Variants in MDC1 observed in about 807,000 individuals in gnomAD.
MDC1 encodes the protein mediator of DNA damage checkpoint 1, also known as mediator of DNA damage checkpoint protein 1.
In MDC1, 81 loss-of-function variants were observed where a neutral mutation model predicts 142.5. The ratio of observed to expected loss-of-function variants is 0.57; its 90% CI spans 0.47 to 0.68. The LOEUF (loss-of-function observed/expected upper bound fraction) is 0.68, where lower values mean the gene tolerates loss of function less well. Among genes scored for constraint, MDC1 ranks in the 30% least tolerant of loss-of-function variants. The pLI, the probability that MDC1 is intolerant of heterozygous loss-of-function variation, is 0.00. For missense variants in MDC1, 2,119 were observed against 2,547.9 expected, an observed-to-expected ratio of 0.83 and a Z score of 3.62; for synonymous variants, 797 against 968.4, an observed-to-expected ratio of 0.82 and a Z score of 3.29.
At position 30,707,729 on chromosome 6, in the gene MDC1, C is replaced by A; in HGVS notation, c.2850G>T (p.Glu950Asp). 1 of 1,613,132 alleles carries A rather than the reference C, an allele frequency of 6.2e-7. No homozygotes were observed. The highest frequency in any genetic ancestry group is 8.5e-7 in the Non-Finnish European group (1 of 1,180,046). Reference sequence around the variant, plus strand: ...TCTGGTCCTGGCTCCCTCCCTCTGGCTCCCCTCTCTGTGTATCTCTCTCCA... The same window carrying A: ...TCTGGTCCTGGCTCCCTCCCTCTGGATCCCCTCTCTGTGTATCTCTCTCCA... ...VILERDTQRG[E>D]PEGGSQDQKG... The change falls in exon 8 of 15, where the codon GAG becomes GAT. Residue 950 changes from glutamate (E) to aspartate (D), a missense_variant. Physicochemically the swap from Glu to Asp is conservative, Grantham distance 45. Transcript: ENST00000376406.
chr6:30,703,217 C>A lies in MDC1; in HGVS notation c.5752G>T (p.Gly1918Cys), dbSNP rs1562078206. The A allele has an allele frequency of 1.9e-6, 3 of 1,612,994 alleles. No individual in the cohort carries two copies. Among genetic ancestry groups the A allele is most frequent in the African/African-American group, 2.7e-5 (2 of 74,932 alleles). ...AGGTGGGAAGCCTCTGCCGCTGAAC[C>A]AGCCAGACTTCCCCCCAGTGCCAGC... ...AVLALGGSLA[G>C]SAAEASHLVT... Residue 1918 changes from glycine (G) to cysteine (C), a missense_variant, in exon 12 of 15, where the codon GGT (glycine) becomes TGT (cysteine). Transcript: ENST00000376406. This position sits in a 1 kb window ranked among gnomAD's most constrained non-coding sequence, Gnocchi z 4.4.
intron 7 of MDC1, among the ~76,000 whole-genome samples, chr6:30,708,855 CAAAAAAAAAA>C (rs59939040): frequency 1.8e-5 from 1 of 55,238 alleles, no homozygotes; most frequent in Admixed American, 1.9e-4. Context: ...GACTCTGTCT[CAAAAAAAAAA>C]AAAAAAAAAA....
rs1305372748 is a variant in MDC1, at chr6:30,716,920, T to C, written c.-4+325A>G. On this transcript the variant is annotated intron_variant, in intron 1 of 14. Transcript: ENST00000376406. This position sits in a 1 kb window ranked among gnomAD's most constrained non-coding sequence, Gnocchi z 4.4. The stretch of plus-strand genomic sequence containing the variant: ...ACTCTAGAGGGAAACTGTTGACAGG[T>C]AGGGAAAGTAGGATGCCCCATGGAT... 2.0e-6 allele frequency: 2 copies of C among 984,778 alleles called. No individual in the cohort carries two copies. The highest frequency in any genetic ancestry group is 1.7e-5 in the African/African-American group (1 of 57,164). The allele number at this position is 984,778 out of a possible 1,614,324, so 61.0% of individuals were successfully genotyped here.
chr6:30,703,187 T>C lies in MDC1; in HGVS notation c.5782A>G (p.Thr1928Ala), dbSNP rs1377415584. The change falls in exon 12 of 15, where the codon ACT becomes GCT. Residue 1928 changes from threonine (T) to alanine (A), a missense_variant. Physicochemically the swap from Thr to Ala is moderately conservative, Grantham distance 58 (BLOSUM62 0). Coordinates refer to ENST00000376406, the MANE Select transcript of MDC1 (RefSeq NM_014641.3). This position sits in a 1 kb window ranked among gnomAD's most constrained non-coding sequence, Gnocchi z 4.4. ...TTGACTGTCCGGCGGATGCGATCAG[T>C]GACCAGGTGGGAAGCCTCTGCCGCT... ...GSAAEASHLV[T>A]DRIRRTVKFL... 6.2e-7 allele frequency: 1 copy of C among 1,613,068 alleles called. No individual in the cohort carries two copies. Among genetic ancestry groups the C allele is most frequent in the East Asian group, 2.2e-5 (1 of 44,880 alleles).
chr6:30,717,120 T>C, intron 1 of MDC1, 125 bp downstream of exon 1: 1 of 153,768 alleles, frequency 6.5e-6, no homozygotes, highest in Non-Finnish European at 1.4e-5. Context: ...AGGATGAGTA[T>C]TACAGTCCGA....
At chr6:30,714,933 A>T (rs1304927808) in intron 2 of MDC1, 107 bp downstream of exon 2, 3 of 1,344,948 alleles carry the variant, frequency 2.2e-6, no homozygotes, top group Admixed American at 2.2e-5. Flanking sequence ...GAAAAAAAAA[A>T]ATTCACATCT....
Position 30,712,015 on chromosome 6 carries a change from C to A in MDC1, c.1927G>T (p.Glu643Ter). Residue 643 changes from glutamate (E) to a stop codon, truncating the protein, a stop_gained, in exon 5 of 15, where the codon GAG becomes TAG. Coordinates refer to ENST00000376406, the MANE Select transcript of MDC1 (RefSeq NM_014641.3). LOFTEE classifies it high-confidence loss of function. The surrounding 1 kb of genome is among the most constrained non-coding windows in gnomAD (Gnocchi z 4.7). ...QVEQDLPISRENLTDLVVDTD... is the reference protein window; with the variant it reads ...QVEQDLPISR ...TCCACCACCAGATCTGTGAGGTTCT[C>A]TCTTGAGATAGGGAGGTCCTGCTCC... 1 of 1,599,602 alleles carries A rather than the reference C, an allele frequency of 6.3e-7. No homozygotes were observed. Among genetic ancestry groups the A allele is most frequent in the East Asian group, 2.2e-5 (1 of 44,784 alleles).
intron 14 of MDC1, among the ~76,000 whole-genome samples, chr6:30,701,100 A>T (rs1562069608): frequency 6.8e-6 from 1 of 147,988 alleles, no homozygotes; most frequent in East Asian, 2.0e-4. Context: ...AGAAAAAAAA[A>T]AAAGAAATAC....
rs7565 is a variant in MDC1 at position 30,700,382 on chromosome 6, C to T, written c.*83G>A. 0.016 allele frequency: 22,699 copies of T among 1,452,618 alleles called. 319 individuals carry two copies. Among genetic ancestry groups the T allele is most frequent in the Middle Eastern group, 0.058 (320 of 5,484 alleles). The allele number at this position is 1,452,618 out of a possible 1,614,324, so 90.0% of individuals were successfully genotyped here. Reference sequence around the variant, plus strand: ...TCCAGGACAAGTTGTATCAATATACCCCAATCCTTTCTAACGCCCTGAGTT... The same window carrying T: ...TCCAGGACAAGTTGTATCAATATACTCCAATCCTTTCTAACGCCCTGAGTT... On this transcript the variant is annotated 3_prime_UTR_variant, in exon 15 of 15. Coordinates refer to ENST00000376406, the MANE Select transcript of MDC1 (RefSeq NM_014641.3).
chr6:30,716,230 T>C lies in MDC1; in HGVS notation c.-4+1015A>G, dbSNP rs1775641455. Among the ~76,000 whole-genome samples the C allele has an allele frequency of 6.6e-6, 1 of 150,762 alleles. No individual in the cohort carries two copies. The highest frequency in any genetic ancestry group is 1.5e-5 in the Non-Finnish European group (1 of 67,668). On this transcript the variant is annotated intron_variant, in intron 1 of 14. Coordinates refer to ENST00000376406, the MANE Select transcript of MDC1 (RefSeq NM_014641.3). The surrounding 1 kb of genome is among the most constrained non-coding windows in gnomAD (Gnocchi z 4.4). ...CAGTTCAAATGTCACTTTCTTTCTT[T>C]TTTTTTTTTTTGAGATGGAATCTCG... is the stretch of plus-strand genomic sequence containing the variant.
chr6:30,702,501 CTCTTT>C (rs1772920746), intron 14 of MDC1, 47 bp downstream of exon 14: 1 of 1,401,166 alleles, frequency 7.1e-7, no homozygotes, highest in East Asian at 2.3e-5. Flanking sequence ...TTCCAGCCAC[CTCTTT>C]AACTGCCACT....
rs760478416 is a variant in MDC1 at position 30,708,217 on chromosome 6, C to T, written c.2362G>A (p.Asp788Asn). 8.1e-6 allele frequency: 13 copies of T among 1,613,114 alleles called. No individual in the cohort carries two copies. Among genetic ancestry groups the T allele is most frequent in the Non-Finnish European group, 1.0e-5 (12 of 1,180,032 alleles). Residue 788 changes from aspartate (D) to asparagine (N), a missense_variant, in exon 8 of 15, where the codon GAC (aspartate) becomes AAC (asparagine). By Grantham distance (23) the Asp-to-Asn change is conservative (BLOSUM62 1). Transcript: ENST00000376406. ...CLSPPRAIPG[D>N]QHPESPVHTE... Reference sequence around the variant, plus strand: ...TGAACTGGGCTCTCTGGATGTTGGTCTCCTGGTATTGCCCTAGGTGGAGAC... The same window carrying T: ...TGAACTGGGCTCTCTGGATGTTGGTTTCCTGGTATTGCCCTAGGTGGAGAC...
rs140843115 is a variant in MDC1, at chr6:30,705,533, C to G, written c.3650G>C (p.Arg1217Pro). The G allele has an allele frequency of 1.9e-6, 3 of 1,585,714 alleles. No homozygotes were observed. In the African/African-American group the frequency reaches 4.4e-5, roughly 23 times the overall value. Reference protein sequence around the residue: ...LELQPSTSTDRPVTSEPTSQA... With the variant: ...LELQPSTSTDPPVTSEPTSQA... Reference sequence around the variant, plus strand: ...AGAGGTGGGTTCAGAGGTGACAGGTCGGTCGGTGGAGGTGGAAGGCTGGAG... The same window carrying G: ...AGAGGTGGGTTCAGAGGTGACAGGTGGGTCGGTGGAGGTGGAAGGCTGGAG... The change falls in exon 10 of 15, where the codon CGA (arginine) becomes CCA (proline). Residue 1217 changes from arginine (R) to proline (P), a missense_variant. Physicochemically the swap from Arg to Pro is moderately radical, Grantham distance 103. Coordinates refer to ENST00000376406, the MANE Select transcript of MDC1 (RefSeq NM_014641.3).
chr6:30,706,122 AGGG>A, intron 9 of MDC1, 24 bp from the exon 10 acceptor site: 2 of 1,521,560 alleles, frequency 1.3e-6, no homozygotes, highest in African/African-American at 1.4e-5. Flanking sequence ...GAAGCAAGTG[AGGG>A]GGAGGAGGTG....
At chr6:30,702,280 A>AAAAAAAAAAAAAAAAAAAAAAAAG (rs1562073140) in intron 14 of MDC1, among the ~76,000 whole-genome samples, 1 of 132,464 alleles carries the variant, frequency 7.5e-6, no homozygotes, top group Non-Finnish European at 1.7e-5. Context: ...AAAAAAAAAA[A>AAAAAAAAAAAAAAAAAAAAAAAAG]AGAAAATCAA....
rs766739657 is a variant in MDC1 at position 30,712,859 on chromosome 6, A to G, written c.1083T>C (p.Pro361=). 19 of 1,612,910 alleles carry G rather than the reference A, an allele frequency of 1.2e-5. No homozygotes were observed. The highest frequency in any genetic ancestry group is 1.6e-5 in the Non-Finnish European group (19 of 1,180,032). Residue 361 remains proline (P), a synonymous_variant, in exon 5 of 15, where the codon CCT becomes CCC. Coordinates refer to ENST00000376406, the MANE Select transcript of MDC1 (RefSeq NM_014641.3). The surrounding 1 kb of genome is among the most constrained non-coding windows in gnomAD (Gnocchi z 4.7). ...GCAGATGGGCCAGGCCTGGTGCTCC[A>G]GGACCCCTTGTACCTACTCCATGGA... ...KIFHGVGTRG[P]GAPGLAHLQE...
In MDC1 at chr6:30,712,818, C is replaced by T. The variant is rs200239032; in HGVS notation, c.1124G>A (p.Gly375Asp). The T allele has an allele frequency of 3.4e-5, 55 of 1,612,910 alleles. No homozygotes were observed. Among genetic ancestry groups the T allele is most frequent in the East Asian group, 2.2e-5 (1 of 44,900 alleles). ...GCCTTCTTCCACATCTGTATCACTA[C>T]CAGCCTGGCTCTCCTGCAGATGGGC... ...GLAHLQESQA[G>D]SDTDVEEGKA... is the part of the protein sequence containing the mutation. Residue 375 changes from glycine to aspartate, a missense_variant, in exon 5 of 15, where the codon GGT becomes GAT. By Grantham distance (94) the Gly-to-Asp change is moderately conservative. Coordinates refer to ENST00000376406, the MANE Select transcript of MDC1 (RefSeq NM_014641.3). The surrounding 1 kb of genome is among the most constrained non-coding windows in gnomAD (Gnocchi z 4.7).
Position 30,703,350 on chromosome 6 carries a change from C to G in MDC1, c.5683-64G>C. 1 of 1,612,566 alleles carries G rather than the reference C, an allele frequency of 6.2e-7. No homozygotes were observed. Among genetic ancestry groups the G allele is most frequent in the Non-Finnish European group, 8.5e-7 (1 of 1,179,554 alleles). ...TGCCATCAGCACCCATCTCTACAATCCTCTAGGTCTCCTTGCATCCTCCCC... is the reference window on the plus strand; with the variant it reads ...TGCCATCAGCACCCATCTCTACAATGCTCTAGGTCTCCTTGCATCCTCCCC... On this transcript the variant is annotated intron_variant, in intron 11 of 14. Coordinates refer to ENST00000376406, the MANE Select transcript of MDC1 (RefSeq NM_014641.3). The surrounding 1 kb of genome is among the most constrained non-coding windows in gnomAD (Gnocchi z 4.4).
Position 30,703,403 on chromosome 6 carries a change from G to A in MDC1, c.5682+15C>T, listed in dbSNP as rs559355739. 1.9e-6 allele frequency: 3 copies of A among 1,613,480 alleles called. No homozygotes were observed. Among genetic ancestry groups the A allele is most frequent in the South Asian group, 2.2e-5 (2 of 91,090 alleles). On this transcript the variant is annotated intron_variant, in intron 11 of 14. Transcript: ENST00000376406. The surrounding 1 kb of genome is among the most constrained non-coding windows in gnomAD (Gnocchi z 4.4). The stretch of plus-strand genomic sequence containing the variant: ...ATCTCTGTCTCCCACAAAGTCCCAT[G>A]CCTTTGTCTCTTACTTTGGGGGCTG...
Sources: allele counts gnomAD v4.1 joint callset (sites outside exome capture counted in the v4.1 genomes callset), GRCh38; gene constraint gnomAD v4.1.1; non-coding constraint Gnocchi (gnomAD v3.1); transcripts MANE v1.5; gene names NCBI Gene and HGNC (gene_info 2026-07-23, HGNC 2026-07-21).